The following TBX18 variants were observed in gnomAD, a reference collection of about 807,000 sequenced individuals.
The protein encoded by TBX18 is T-box transcription factor TBX18.
TBX18 carries 21 observed loss-of-function variants against 55.0 expected under a neutral mutation model. That is an observed-to-expected ratio of 0.38 (90% CI 0.27 to 0.55). The LOEUF is 0.55. Ranked by LOEUF, TBX18 falls within the 20% of genes least tolerant of loss-of-function variation. The pLI is 0.73. For missense variants in TBX18, 840 were observed against 799.6 expected (o/e 1.05, Z -0.61); for synonymous variants, 342 against 326.1 (o/e 1.05, Z -0.53).
chr6:84,761,094 G>C (rs1767635035), intron 2 of TBX18, among the ~76,000 whole-genome samples: 1 of 152,158 alleles, frequency 6.6e-6, no homozygotes, highest in Non-Finnish European at 1.5e-5. Context: ...GGAGATGCTA[G>C]AGTAAATGCA....
intron 1 of TBX18, chr6:84,763,033 G>T: frequency 3.7e-6 from 2 of 541,150 alleles, no homozygotes; most frequent in South Asian, 2.1e-5. Flanking sequence ...GGCCTCCGCA[G>T]GGCCAAGGCC....
rs1353854324 is a variant in TBX18, at chr6:84,735,260, T to G, written c.*1425A>C. The G allele has an allele frequency of 6.6e-6, 1 of 152,220 alleles. No homozygotes were observed. Among genetic ancestry groups the G allele is most frequent in the Non-Finnish European group, 1.5e-5 (1 of 68,032 alleles). 9.4% of individuals were successfully genotyped at this position (152,220 alleles called of 1,614,324 possible). ...ATCATGTATTCTTAGCCTTTTTTAT[T>G]TATCTCATACTGTGCTCTCAAAGTT... is the stretch of plus-strand genomic sequence containing the variant. On this transcript the variant is annotated 3_prime_UTR_variant, in exon 8 of 8. Transcript: ENST00000369663.
chr6:84,763,778 TG>T (rs1462380044), intron 1 of TBX18, 111 bp downstream of exon 1: 10 of 1,418,388 alleles, frequency 7.1e-6, no homozygotes, highest in Non-Finnish European at 9.1e-6. Context: ...AATGCGCTAG[TG>T]GCTGAGTGGC....
chr6:84,752,060 G>A (rs1475898781), intron 4 of TBX18, among the ~76,000 whole-genome samples: 1 of 152,054 alleles, frequency 6.6e-6, no homozygotes, highest in African/African-American at 2.4e-5. Context: ...TCTCTGATCT[G>A]TTTAGAATGA....
Position 84,736,562 on chromosome 6 carries a change from G to A in TBX18, c.*123C>T. The stretch of plus-strand genomic sequence containing the variant: ...ATGATAAAGTCAAAAAACCCAGTGA[G>A]CCTTCATTTTCTATTATATGTACAT... On this transcript the variant is annotated 3_prime_UTR_variant, in exon 8 of 8. Coordinates refer to ENST00000369663, the MANE Select transcript of TBX18 (RefSeq NM_001080508.3). 4 of 1,166,290 alleles carry A rather than the reference G, an allele frequency of 3.4e-6. No homozygotes were observed. The highest frequency in any genetic ancestry group is 1.6e-5 in the African/African-American group (1 of 62,792). The allele number at this position is 1,166,290 out of a possible 1,614,324, so 72.2% of individuals were successfully genotyped here.
At position 84,736,943 on chromosome 6, in the gene TBX18, T is replaced by C. The variant is rs764540618; in HGVS notation, c.1566A>G (p.Arg522=). Residue 522 remains arginine, a synonymous_variant, in exon 8 of 8, where the codon AGA becomes AGG. Coordinates refer to ENST00000369663, the MANE Select transcript of TBX18 (RefSeq NM_001080508.3). ...CATATAGTGCACAGGGGCTGTGTAA[T>C]CTAAAAGTATTATAGGAACCCTGAT... ...QTHQGSYNTF[R]LHSPCALYGY... 6.2e-7 allele frequency: 1 copy of C among 1,609,356 alleles called. No homozygotes were observed. Among genetic ancestry groups the C allele is most frequent in the South Asian group, 1.1e-5 (1 of 90,432 alleles).
intron 1 of TBX18, chr6:84,763,124 C>T (rs1198207417): frequency 2.0e-5 from 8 of 393,184 alleles, no homozygotes; most frequent in Non-Finnish European, 3.8e-5. Flanking sequence ...GGTCCAGAGT[C>T]CCCAGTGCAA....
intron 1 of TBX18, chr6:84,762,967 G>T: frequency 3.4e-6 from 2 of 593,052 alleles, no homozygotes; most frequent in Non-Finnish European, 5.9e-6. Context: ...GGCCTGCTTG[G>T]TCCCCAAGTC....
chr6:84,757,903 T>C (rs934974043), intron 3 of TBX18, among the ~76,000 whole-genome samples: 7 of 152,170 alleles, frequency 4.6e-5, no homozygotes, highest in African/African-American at 1.7e-4. Flanking sequence ...TTTAAAGCTA[T>C]AATTTGCAAA....
At chr6:84,739,712 A>C (rs1488959213) in intron 6 of TBX18, among the ~76,000 whole-genome samples, 1 of 152,126 alleles carries the variant, frequency 6.6e-6, no homozygotes, top group Non-Finnish European at 1.5e-5. Context: ...CCTGCGCCCC[A>C]AGTCATAACC....
At chr6:84,763,311 C>G (rs1767708572) in intron 1 of TBX18, 1 of 448,770 alleles carries the variant, frequency 2.2e-6, no homozygotes, top group Non-Finnish European at 4.5e-6. Context: ...CGCCAAACTC[C>G]CGGCGCCCTG....
chr6:84,732,937 G>A lies in TBX18; in HGVS notation c.*3748C>T, dbSNP rs1374769287. ...TTTATATAATAGGACCATATGAATTGGAAACTAAAAGGAATACTAACAATT... is the reference window on the plus strand; with the variant it reads ...TTTATATAATAGGACCATATGAATTAGAAACTAAAAGGAATACTAACAATT... On this transcript the variant is annotated 3_prime_UTR_variant, in exon 8 of 8. Transcript: ENST00000369663. 2 of 151,704 alleles carry A rather than the reference G, an allele frequency of 1.3e-5. No homozygotes were observed. The highest frequency in any genetic ancestry group is 1.3e-4 in the Admixed American group (2 of 15,218). The allele number at this position is 151,704 out of a possible 1,614,324, so 9.4% of individuals were successfully genotyped here. A position where few individuals can be genotyped will look rare whatever the true frequency, so the allele number is the denominator to read the frequency against.
At chr6:84,752,637 C>G (rs1408718315) in intron 4 of TBX18, among the ~76,000 whole-genome samples, 1 of 152,180 alleles carries the variant, frequency 6.6e-6, no homozygotes, top group Non-Finnish European at 1.5e-5. Context: ...ATGAAAGTGA[C>G]TTGCCAACAA....
intron 4 of TBX18, among the ~76,000 whole-genome samples, chr6:84,750,271 G>A (rs1348284332): frequency 7.3e-6 from 1 of 136,386 alleles, no homozygotes; most frequent in Non-Finnish European, 1.5e-5. Flanking sequence ...GTGACAGAGC[G>A]AGATTCTATC....
intron 3 of TBX18, among the ~76,000 whole-genome samples, chr6:84,758,419 A>AG (rs1315846286): frequency 2.6e-5 from 4 of 151,708 alleles, no homozygotes; most frequent in South Asian, 2.1e-4. Context: ...AAAAAAAAAA[A>AG]AAAGAAAGAA....
chr6:84,762,445 C>T, intron 2 of TBX18, 99 bp downstream of exon 2: 1 of 1,397,310 alleles, frequency 7.2e-7, no homozygotes, highest in South Asian at 1.2e-5. Context: ...CTATCCAGAA[C>T]CCCCACCGAG....
At position 84,762,540 on chromosome 6, in the gene TBX18, T is replaced by G. The variant is rs745904093; in HGVS notation, c.497+4A>C. ...AGGGGCGTCCACGCCAGCTTGCCCATTACCTGCCGGCCTTGGTGATGATCA... is the reference window on the plus strand; with the variant it reads ...AGGGGCGTCCACGCCAGCTTGCCCAGTACCTGCCGGCCTTGGTGATGATCA... On this transcript the variant is annotated splice_donor_region_variant and intron_variant, in intron 2 of 7. Coordinates refer to ENST00000369663, the MANE Select transcript of TBX18 (RefSeq NM_001080508.3). 1.9e-6 allele frequency: 3 copies of G among 1,613,972 alleles called. No homozygotes were observed. The East Asian group carries it at 6.7e-5, about 36-fold the overall frequency.
At position 84,749,456 on chromosome 6, in the gene TBX18, C is replaced by T. The variant is rs1024987276; in HGVS notation, c.772-1369G>A. On this transcript the variant is annotated intron_variant, in intron 4 of 7. Coordinates refer to ENST00000369663, the MANE Select transcript of TBX18 (RefSeq NM_001080508.3). ...CTGCCACAAGAAGATTCTTTACTTTCTGGCAGTGCTGTGGCTAAGATTTTT... is the reference window on the plus strand; with the variant it reads ...CTGCCACAAGAAGATTCTTTACTTTTTGGCAGTGCTGTGGCTAAGATTTTT... Among the ~76,000 whole-genome samples the T allele has an allele frequency of 1.2e-4, 18 of 151,098 alleles. 1 individual carries two copies. Among genetic ancestry groups the T allele is most frequent in the Admixed American group, 1.3e-4 (2 of 15,084 alleles).
At chr6:84,756,307 T>C (rs1305407873) in intron 4 of TBX18, among the ~76,000 whole-genome samples, 2 of 152,182 alleles carry the variant, frequency 1.3e-5, no homozygotes, top group Non-Finnish European at 2.9e-5. Context: ...TGAGAAGCAA[T>C]GAACCTCAGC....
Sources: gnomAD v4.1 joint callset for allele counts (sites outside exome capture counted in the v4.1 genomes callset) on GRCh38, gnomAD v4.1.1 for gene constraint, MANE v1.5 for transcripts, NCBI Gene and HGNC (gene_info 2026-07-23, HGNC 2026-07-21) for gene names.